EXOC6B: variants seen among roughly 807,000 people sequenced by gnomAD.
EXOC6B encodes the protein exocyst complex component 6B.
A neutral mutation model predicts 113.5 loss-of-function variants in EXOC6B; 54 were observed. The observed-to-expected ratio is 0.48, with a 90% CI of 0.38 to 0.60. The LOEUF (loss-of-function observed/expected upper bound fraction) is 0.60. Among genes scored for constraint, EXOC6B ranks in the 20% least tolerant of loss-of-function variants. EXOC6B has a pLI of 0.00. For missense variants in EXOC6B, 797 were observed against 977.5 expected (o/e 0.82, Z 2.46); for synonymous variants, 357 against 339.0 (o/e 1.05, Z -0.58).
intron 8 of EXOC6B, among the ~76,000 whole-genome samples, chr2:72,521,522 A>G (rs1350701681): frequency 6.6e-6 from 1 of 152,196 alleles, no homozygotes; most frequent in East Asian, 1.9e-4. Context: ...CACATCACCT[A>G]ACAGCTAGAT....
intron 16 of EXOC6B, among the ~76,000 whole-genome samples, chr2:72,481,388 A>G (rs1430317518): frequency 6.6e-6 from 1 of 152,250 alleles, no homozygotes; most frequent in Non-Finnish European, 1.5e-5. Context: ...TCTGTTTAAA[A>G]AAGATTAGAC....
At chr2:72,359,195 C>T (rs1271284506) in intron 19 of EXOC6B, among the ~76,000 whole-genome samples, 1 of 152,112 alleles carries the variant, frequency 6.6e-6, no homozygotes, top group Non-Finnish European at 1.5e-5. Context: ...TTAGTGTCCA[C>T]TCTAAAATTC....
At position 72,628,161 on chromosome 2, in the gene EXOC6B, GT is replaced by G. The variant is rs1215230853; in HGVS notation, c.670-52494del. On this transcript the variant is annotated intron_variant, in intron 6 of 21. Coordinates refer to ENST00000272427, the MANE Select transcript of EXOC6B (RefSeq NM_015189.3). ...ATTTTTTGAGACAGGATCTTGCTCT[GT>G]CCCCCAGGCTGGAGTACAGAAGCAC... Among the ~76,000 whole-genome samples, 4 of 151,666 alleles carry G rather than the reference GT, an allele frequency of 2.6e-5. No individual in the cohort carries two copies. The East Asian group carries it at 5.9e-4, about 22-fold the overall frequency.
chr2:72,553,188 T>C (rs1703336590), intron 8 of EXOC6B, among the ~76,000 whole-genome samples: 1 of 152,052 alleles, frequency 6.6e-6, no homozygotes, highest in Admixed American at 6.5e-5. Flanking sequence ...TTCCTCAATA[T>C]CAGCAATAAC....
At chr2:72,529,084 T>C (rs550305713) in intron 8 of EXOC6B, among the ~76,000 whole-genome samples, 1 of 152,294 alleles carries the variant, frequency 6.6e-6, no homozygotes, top group African/African-American at 2.4e-5. Context: ...AGCACTATAT[T>C]GAATAAAAGT....
At chr2:72,629,684 C>A (rs1352406090) in intron 6 of EXOC6B, among the ~76,000 whole-genome samples, 2 of 152,268 alleles carry the variant, frequency 1.3e-5, no homozygotes, top group African/African-American at 4.8e-5. Flanking sequence ...TCTTTTTATT[C>A]AATTCCTATT....
chr2:72,578,002 T>A (rs1183013588), intron 6 of EXOC6B, among the ~76,000 whole-genome samples: 1 of 152,132 alleles, frequency 6.6e-6, no homozygotes, highest in African/African-American at 2.4e-5. Context: ...GAGTACTTCA[T>A]ATATATTCTT....
chr2:72,427,470 G>A (rs192099177), intron 18 of EXOC6B, among the ~76,000 whole-genome samples: 8 of 152,298 alleles, frequency 5.3e-5, no homozygotes, highest in Middle Eastern at 6.8e-3. Flanking sequence ...CTCCCATCTC[G>A]GAGCAGGGTT....
At chr2:72,678,731 G>A (rs965099272) in intron 6 of EXOC6B, among the ~76,000 whole-genome samples, 1 of 152,026 alleles carries the variant, frequency 6.6e-6, no homozygotes, top group Non-Finnish European at 1.5e-5. Context: ...AGGAAATGGA[G>A]CAGACTGATA....
intron 6 of EXOC6B, among the ~76,000 whole-genome samples, chr2:72,690,184 C>A (rs1251645441): frequency 6.6e-6 from 1 of 152,212 alleles, no homozygotes; most frequent in Non-Finnish European, 1.5e-5. Flanking sequence ...ATATTTGCAT[C>A]ATTTGACTAC....
intron 7 of EXOC6B, among the ~76,000 whole-genome samples, chr2:72,574,834 C>T (rs1704733960): frequency 6.6e-6 from 1 of 152,118 alleles, no homozygotes; most frequent in Non-Finnish European, 1.5e-5. Flanking sequence ...TCTCAAAGGT[C>T]ATAATAGTTT....
chr2:72,590,410 T>C (rs545803957), intron 6 of EXOC6B, among the ~76,000 whole-genome samples: 22 of 151,782 alleles, frequency 1.4e-4, no homozygotes, highest in African/African-American at 5.3e-4. Context: ...AATCAATACA[T>C]AATAGAAATA....
intron 20 of EXOC6B, among the ~76,000 whole-genome samples, chr2:72,204,593 G>A (rs1679714309): frequency 1.3e-5 from 2 of 151,334 alleles, no homozygotes; most frequent in South Asian, 2.1e-4. Flanking sequence ...AACCTCAGCC[G>A]TCTGCAAAAG....
intron 20 of EXOC6B, among the ~76,000 whole-genome samples, chr2:72,254,507 C>T (rs1286916910): frequency 1.3e-5 from 2 of 152,142 alleles, no homozygotes; most frequent in Non-Finnish European, 2.9e-5. Context: ...TTGTTTTAAG[C>T]CACCAAGTTT....
chr2:72,506,479 C>G (rs1276136058), intron 11 of EXOC6B, among the ~76,000 whole-genome samples: 4 of 152,106 alleles, frequency 2.6e-5, no homozygotes, highest in Non-Finnish European at 4.4e-5. Flanking sequence ...AAGAAGTTAC[C>G]TCAACGAAAA....
intron 16 of EXOC6B, among the ~76,000 whole-genome samples, chr2:72,491,244 A>G (rs2105538495): frequency 6.6e-6 from 1 of 152,282 alleles, no homozygotes; most frequent in South Asian, 2.1e-4. Flanking sequence ...TTGAAAGAAA[A>G]GTTTGCTATA....
intron 20 of EXOC6B, among the ~76,000 whole-genome samples, chr2:72,247,714 G>T (rs1460261686): frequency 6.6e-6 from 1 of 152,160 alleles, no homozygotes; most frequent in African/African-American, 2.4e-5. Context: ...AAGCAAAAAT[G>T]GGAAATTTGC....
At chr2:72,766,683 G>A (rs180796986) in intron 1 of EXOC6B, among the ~76,000 whole-genome samples, 112 of 152,216 alleles carry the variant, frequency 7.4e-4, no homozygotes, top group African/African-American at 2.6e-3. Context: ...GTTGGGCACA[G>A]TGGCTCACAC....
At chr2:72,342,658 G>T (rs1023661449) in intron 19 of EXOC6B, among the ~76,000 whole-genome samples, 1 of 152,086 alleles carries the variant, frequency 6.6e-6, no homozygotes, top group Non-Finnish European at 1.5e-5. Context: ...AATGAGTCAG[G>T]TGTGGTTGCT....
Sources: gnomAD v4.1 joint callset for allele counts (sites outside exome capture counted in the v4.1 genomes callset) on GRCh38, gnomAD v4.1.1 for gene constraint, MANE v1.5 for transcripts, NCBI Gene and HGNC (gene_info 2026-07-23, HGNC 2026-07-21) for gene names.